The following CIAO3 variants were observed in gnomAD, a reference collection of about 807,000 sequenced individuals.
The protein encoded by CIAO3 is LET1 like/JFP15.
In CIAO3, 45 loss-of-function variants were observed where a neutral mutation model predicts 51.5. The observed-to-expected ratio is 0.87, with a 90% CI of 0.69 to 1.12. CIAO3 has a LOEUF of 1.12. Among genes scored for constraint, CIAO3 ranks in the 50% most tolerant of loss-of-function variants. The pLI is 0.00. For missense variants in CIAO3, 668 were observed against 632.5 expected (o/e 1.06, Z -0.60); for synonymous variants, 314 against 269.3 (o/e 1.17, Z -1.63).
intron 2 of CIAO3, among the ~76,000 whole-genome samples, chr16:738,898 C>A (rs1352848227): frequency 6.6e-6 from 1 of 150,862 alleles, no homozygotes; most frequent in Non-Finnish European, 1.5e-5. Context: ...CCTACCCTGG[C>A]CTCCCAAAGT....
intron 7 of CIAO3, 101 bp downstream of exon 7, chr16:733,197 G>T: frequency 3.4e-6 from 5 of 1,466,716 alleles, no homozygotes; most frequent in Non-Finnish European, 4.6e-6. Context: ...CTCCAGCCAG[G>T]GCCCCCACAG....
At position 736,908 on chromosome 16, in the gene CIAO3, C is replaced by G. The variant is rs2041344735; in HGVS notation, c.306+278G>C. On this transcript the variant is annotated intron_variant, in intron 3 of 10. Coordinates refer to ENST00000251588, the MANE Select transcript of CIAO3 (RefSeq NM_022493.3). ...CGAACTCCTGACCTCAGGTGATCCA[C>G]CCGGCTCAGCCTCCCAAAGTGCTGG... The G allele has an allele frequency of 1.6e-5, 7 of 449,206 alleles. No homozygotes were observed. In the South Asian group the frequency reaches 1.6e-4, roughly 10 times the overall value. The allele number at this position is 449,206 out of a possible 1,614,324, so 27.8% of individuals were successfully genotyped here.
intron 8 of CIAO3, 97 bp downstream of exon 8, chr16:732,204 A>G (rs745683575): frequency 1.5e-6 from 2 of 1,306,030 alleles, no homozygotes; most frequent in Non-Finnish European, 2.1e-6. Context: ...GGACGCCAAG[A>G]TGGGCTGCGG....
chr16:733,284 C>T lies in CIAO3; in HGVS notation c.823+14G>A, dbSNP rs115357173. ...GGAGGCTTGAGGGCTCAGGGCCGCA[C>T]GGCGTGACCGCACCTGTTGTGAGGA... On this transcript the variant is annotated intron_variant, in intron 7 of 10. Transcript: ENST00000251588. The T allele has an allele frequency of 2.4e-5, 39 of 1,612,532 alleles. No individual in the cohort carries two copies. The highest frequency in any genetic ancestry group is 1.3e-4 in the African/African-American group (10 of 75,050).
intron 1 of CIAO3, chr16:740,582 G>A (rs2041380573): frequency 4.7e-6 from 2 of 429,396 alleles, no homozygotes; most frequent in African/African-American, 2.1e-5. Context: ...TAGGGTTAGG[G>A]ATGTGTGGGA....
intron 3 of CIAO3, 35 bp from the exon 4 acceptor site, chr16:736,433 T>C (rs2151603041): frequency 1.2e-6 from 2 of 1,611,048 alleles, no homozygotes; most frequent in Non-Finnish European, 1.7e-6. Context: ...CTTACTCTGC[T>C]GGCCTTATGC....
In CIAO3 at chr16:738,437, C is replaced by T. The variant is rs868633476; in HGVS notation, c.163-1108G>A. On this transcript the variant is annotated intron_variant, in intron 2 of 10. Transcript: ENST00000251588. ...GATCTCGGCTCACTGCAAACTCCGC[C>T]TCCCAGGCTCACGCCATTCTCCTGC... 9.8e-5 allele frequency: 61 copies of T among 619,636 alleles called. 1 individual carries two copies. In the Middle Eastern group the frequency reaches 2.5e-3, roughly 25 times the overall value. The allele number at this position is 619,636 out of a possible 1,614,324, so 38.4% of individuals were successfully genotyped here. A position where few individuals can be genotyped will look rare whatever the true frequency, so the allele number is the denominator to read the frequency against.
intron 4 of CIAO3, chr16:735,659 G>A (rs1170020306): frequency 1.3e-5 from 2 of 152,726 alleles, no homozygotes; most frequent in African/African-American, 2.4e-5. Flanking sequence ...CTGGATATGG[G>A]TCAGACAGGA....
At chr16:734,680 C>T (rs781668722) in intron 5 of CIAO3, 57 bp downstream of exon 5, 1 of 1,612,670 alleles carries the variant, frequency 6.2e-7, no homozygotes, top group Non-Finnish European at 8.5e-7. Context: ...TCCATATCAC[C>T]TCACGTTTCA....
intron 4 of CIAO3, chr16:735,193 C>T (rs1190573208): frequency 3.3e-6 from 1 of 305,384 alleles, no homozygotes; most frequent in Non-Finnish European, 6.1e-6. Flanking sequence ...GGAATTGCCA[C>T]GTGCGCTGCT....
At chr16:738,044 G>C in intron 2 of CIAO3, 1 of 1,106,818 alleles carries the variant, frequency 9.0e-7, no homozygotes, top group Non-Finnish European at 1.1e-6. Flanking sequence ...TCGCAGCCCA[G>C]CTCTCTGCTA....
rs200635930 is a variant in CIAO3 at position 736,381 on chromosome 16, C to T, written c.324G>A (p.Gln108=). 57 of 1,612,816 alleles carry T rather than the reference C, an allele frequency of 3.5e-5. No individual in the cohort carries two copies. The highest frequency in any genetic ancestry group is 4.4e-5 in the Non-Finnish European group (52 of 1,179,828). ...LDANKMAAPS[Q]QRLVVVSVSP... ...AGACCGAAACTACAACCAGCCTCTGCTGACTGGGTGCCGCCATCTGCAAAG... is the reference window on the plus strand; with the variant it reads ...AGACCGAAACTACAACCAGCCTCTGTTGACTGGGTGCCGCCATCTGCAAAG... The change falls in exon 4 of 11, where the codon CAG becomes CAA. Residue 108 remains glutamine, a synonymous_variant. Coordinates refer to ENST00000251588, the MANE Select transcript of CIAO3 (RefSeq NM_022493.3).
intron 2 of CIAO3, chr16:738,009 T>C (rs895506175): frequency 1.7e-6 from 2 of 1,146,392 alleles, no homozygotes; most frequent in South Asian, 1.8e-5. Flanking sequence ...GTAAGGCGAC[T>C]GGGTGGGAAC....
At position 734,273 on chromosome 16, in the gene CIAO3, G is replaced by C. The variant is rs751972705; in HGVS notation, c.649C>G (p.Gln217Glu). ...PHISTARSPQ[Q>E]VMGSLVKDFF... ...TCCTTGACCAGGGAGCCCATGACCT[G>C]CTGCGGGGACCGGGCGGTGCTGATG... The change falls in exon 6 of 11, where the codon CAG (glutamine) becomes GAG (glutamate). Residue 217 changes from glutamine (Q) to glutamate (E), a missense_variant. By Grantham distance (29) the Gln-to-Glu change is conservative (BLOSUM62 2). Coordinates refer to ENST00000251588, the MANE Select transcript of CIAO3 (RefSeq NM_022493.3). 11 of 1,611,910 alleles carry C rather than the reference G, an allele frequency of 6.8e-6. No individual in the cohort carries two copies. Among genetic ancestry groups the C allele is most frequent in the Non-Finnish European group, 8.5e-7 (1 of 1,179,840 alleles).
At chr16:731,858 G>A in intron 8 of CIAO3, 156 bp from the exon 9 acceptor site, 1 of 1,022,882 alleles carries the variant, frequency 9.8e-7, no homozygotes, top group Non-Finnish European at 1.4e-6. Context: ...GCCATCACAG[G>A]GGCCCAGCCA....
Position 734,433 on chromosome 16 carries a change from G to C in CIAO3, c.575-86C>G, listed in dbSNP as rs532720788. ...GCAGCAGCACGACATTCTGGGGGCG[G>C]GCCCGCTCATACAGGAGATCATGAT... is the stretch of plus-strand genomic sequence containing the variant. On this transcript the variant is annotated intron_variant, in intron 5 of 10. Transcript: ENST00000251588. 7.8e-4 allele frequency: 773 copies of C among 987,666 alleles called. 1 individual carries two copies. The highest frequency in any genetic ancestry group is 1.1e-3 in the Non-Finnish European group (692 of 656,646). The allele number at this position is 987,666 out of a possible 1,614,324, so 61.2% of individuals were successfully genotyped here. A position where few individuals can be genotyped will look rare whatever the true frequency, so the allele number is the denominator to read the frequency against.
At chr16:736,470 G>C (rs2041339586) in intron 3 of CIAO3, 72 bp from the exon 4 acceptor site, 1 of 1,589,262 alleles carries the variant, frequency 6.3e-7, no homozygotes, top group African/African-American at 1.3e-5. Flanking sequence ...GAGCCGCACG[G>C]TGAGATGCTG....
chr16:740,111 G>C, intron 1 of CIAO3: 18 of 1,315,548 alleles, frequency 1.4e-5, no homozygotes, highest in Non-Finnish European at 1.7e-5. Context: ...GATCTGTTTG[G>C]AGACCACCTC....
intron 2 of CIAO3, 26 bp downstream of exon 2, chr16:739,617 T>G (rs780627735): frequency 5.0e-6 from 8 of 1,603,358 alleles, no homozygotes; most frequent in Admixed American, 3.3e-5. Flanking sequence ...GCAGGAGAGA[T>G]GGTGGAGCAG....
Sources: gnomAD v4.1 joint callset for allele counts (sites outside exome capture counted in the v4.1 genomes callset) on GRCh38, gnomAD v4.1.1 for gene constraint, MANE v1.5 for transcripts, NCBI Gene and HGNC (gene_info 2026-07-23, HGNC 2026-07-21) for gene names.